Variants in METAP1D observed in about 807,000 individuals in gnomAD.
The protein encoded by METAP1D is methionyl aminopeptidase type 1D, mitochondrial.
A neutral mutation model predicts 40.5 loss-of-function variants in METAP1D; 31 were observed. That is an observed-to-expected ratio of 0.77 (90% CI 0.58 to 1.03). METAP1D has a LOEUF of 1.03. Ranked by LOEUF, METAP1D falls within the 50% of genes least tolerant of loss-of-function variation. The pLI, the probability that METAP1D is intolerant of heterozygous loss-of-function variation, is 0.00. For synonymous variants in METAP1D, 151 were observed against 146.4 expected, an observed-to-expected ratio of 1.03 and a Z score of -0.22; for missense variants, 411 against 420.7, an observed-to-expected ratio of 0.98 and a Z score of 0.20.
Position 172,070,972 on chromosome 2 carries a change from T to C in METAP1D, c.606T>C (p.Cys202=), listed in dbSNP as rs1325006377. Residue 202 remains cysteine, a synonymous_variant, in exon 6 of 10, where the codon TGT becomes TGC. Transcript: ENST00000315796. The part of the protein sequence containing the change: ...ETFLVGNVDE[C]GKKLVEVARR... ...TTTTGGTGGGCAATGTGGACGAATG[T>C]GGTAAAAAGTTAGTGGAGGTTGCCA... 3 of 1,613,268 alleles carry C rather than the reference T, an allele frequency of 1.9e-6. No homozygotes were observed. The highest frequency in any genetic ancestry group is 1.7e-6 in the Non-Finnish European group (2 of 1,179,418).
intron 1 of METAP1D, among the ~76,000 whole-genome samples, chr2:172,013,813 C>G (rs1688785467): frequency 9.3e-6 from 1 of 107,586 alleles, no homozygotes; most frequent in Non-Finnish European, 1.8e-5. Flanking sequence ...AAACATTATA[C>G]TTTTTTTTTC....
chr2:172,033,058 C>CTAAATAAA (rs571735409), intron 1 of METAP1D, among the ~76,000 whole-genome samples: 72 of 151,290 alleles, frequency 4.8e-4, no homozygotes, highest in African/African-American at 1.5e-3. Context: ...GACTCCATCT[C>CTAAATAAA]TAAATAAATA....
chr2:172,075,682 A>G (rs1690523475), intron 6 of METAP1D, among the ~76,000 whole-genome samples: 1 of 152,232 alleles, frequency 6.6e-6, no homozygotes, highest in African/African-American at 2.4e-5. Flanking sequence ...TTAAACAGTA[A>G]TTAGGAATAT....
intron 1 of METAP1D, among the ~76,000 whole-genome samples, chr2:172,017,901 G>A (rs1364488492): frequency 6.6e-6 from 1 of 152,032 alleles, no homozygotes; most frequent in African/African-American, 2.4e-5. Flanking sequence ...GGCTGAGGCG[G>A]GTGAATCACG....
chr2:172,070,683 G>C (rs950367109), intron 5 of METAP1D: 18 of 224,100 alleles, frequency 8.0e-5, no homozygotes, highest in African/African-American at 3.7e-4. Context: ...AACCATACTA[G>C]TTAACATAGT....
chr2:172,071,930 T>G (rs1690430535), intron 6 of METAP1D, among the ~76,000 whole-genome samples: 1 of 152,156 alleles, frequency 6.6e-6, no homozygotes, highest in African/African-American at 2.4e-5. Context: ...TCAAATACTT[T>G]AAGAAAAAAG....
chr2:172,062,073 G>A (rs898734804), intron 2 of METAP1D: 1 of 151,516 alleles, frequency 6.6e-6, no homozygotes, highest in African/African-American at 2.4e-5. Context: ...TGTTATTGAT[G>A]CTGGTGTCTT....
intron 1 of METAP1D, among the ~76,000 whole-genome samples, chr2:172,004,942 C>CT (rs1359984937): frequency 2.8e-5 from 4 of 140,656 alleles, no homozygotes; most frequent in Non-Finnish European, 4.7e-5. Context: ...TTTTTTTTTT[C>CT]TTTTTTCAGG....
Position 172,042,049 on chromosome 2 carries a change from C to A in METAP1D, c.41-19449C>A, listed in dbSNP as rs1366047299. On this transcript the variant is annotated intron_variant, in intron 1 of 9. Transcript: ENST00000315796. ...CTCCTGCCCACAAGTGATCTACCTGCCTCGGCCTTCCAAAGTGCTGGGATT... is the reference window on the plus strand; with the variant it reads ...CTCCTGCCCACAAGTGATCTACCTGACTCGGCCTTCCAAAGTGCTGGGATT... Among the ~76,000 whole-genome samples the A allele has an allele frequency of 4.0e-5, 5 of 124,542 alleles. 1 individual carries two copies. The highest frequency in any genetic ancestry group is 1.3e-4 in the African/African-American group (5 of 37,492). 81.7% of individuals were successfully genotyped at this position (124,542 alleles called of 152,430 possible). A position where few individuals can be genotyped will look rare whatever the true frequency, so the allele number is the denominator to read the frequency against.
At chr2:172,053,197 G>A (rs1689926690) in intron 1 of METAP1D, among the ~76,000 whole-genome samples, 1 of 152,226 alleles carries the variant, frequency 6.6e-6, no homozygotes, top group African/African-American at 2.4e-5. Flanking sequence ...CATTTGCAGT[G>A]TTCTCATGGA....
chr2:172,024,839 C>T (rs1357001395), intron 1 of METAP1D, among the ~76,000 whole-genome samples: 1 of 150,352 alleles, frequency 6.7e-6, no homozygotes, highest in Non-Finnish European at 1.5e-5. Context: ...AGAATTTGAG[C>T]CAAACTTTTA....
chr2:172,060,177 A>AG (rs1481049675), intron 1 of METAP1D, among the ~76,000 whole-genome samples: 1 of 152,182 alleles, frequency 6.6e-6, no homozygotes, highest in Non-Finnish European at 1.5e-5. Flanking sequence ...ACACTTTGGG[A>AG]GGCCGAGGTG....
Position 172,036,270 on chromosome 2 carries a change from T to TCG in METAP1D, c.41-25224_41-25223dup, listed in dbSNP as rs1285294848. On this transcript the variant is annotated intron_variant, in intron 1 of 9. Transcript: ENST00000315796. ...AGGCGGAGCTTGCAGAGAGCCGAGA[T>TCG]CGCGCCATTGCACTCCAGCCTGGGC... is the stretch of plus-strand genomic sequence containing the variant. Among the ~76,000 whole-genome samples, 134 of 146,504 alleles carry TCG rather than the reference T, an allele frequency of 9.1e-4. 2 individuals are homozygous for TCG. The highest frequency in any genetic ancestry group is 1.5e-3 in the Non-Finnish European group (103 of 66,936).
Position 172,061,593 on chromosome 2 carries a change from A to T in METAP1D, c.136A>T (p.Arg46Ter). ...AAGAAATTTCTTTTTTCGGAGACAA[A>T]GAGATATTTCACACAGTATAGTTTT... The part of the protein sequence containing the change: ...QRRNFFFRRQ[R>*]DISHSIVLPA... The change falls in exon 2 of 10, where the codon AGA becomes TGA. Residue 46 changes from arginine to a stop codon, truncating the protein, a stop_gained. Transcript: ENST00000315796. LOFTEE classifies it high-confidence loss of function. 1 of 1,614,028 alleles carries T rather than the reference A, an allele frequency of 6.2e-7. No homozygotes were observed. Among genetic ancestry groups the T allele is most frequent in the Non-Finnish European group, 8.5e-7 (1 of 1,179,954 alleles).
intron 1 of METAP1D, among the ~76,000 whole-genome samples, chr2:172,056,856 T>C (rs1690012700): frequency 6.6e-6 from 1 of 152,236 alleles, no homozygotes; most frequent in Admixed American, 6.5e-5. Flanking sequence ...TCCAAGCTCA[T>C]GCTGTTGTCA....
At chr2:172,007,305 G>A (rs147290520) in intron 1 of METAP1D, among the ~76,000 whole-genome samples, 2,861 of 151,738 alleles carry the variant, frequency 0.019, 59 homozygotes, top group Admixed American at 0.069. Context: ...AAGTAGCTGG[G>A]ACTATAGGCG....
At chr2:172,059,498 G>A (rs1291661124) in intron 1 of METAP1D, among the ~76,000 whole-genome samples, 3 of 152,148 alleles carry the variant, frequency 2.0e-5, no homozygotes, top group South Asian at 2.1e-4. Flanking sequence ...AGCTACCACT[G>A]TAGCTCAAAA....
intron 1 of METAP1D, among the ~76,000 whole-genome samples, chr2:172,019,993 A>G (rs1216427124): frequency 2.0e-4 from 31 of 151,992 alleles, no homozygotes; most frequent in Admixed American, 2.0e-3. Flanking sequence ...AATCTCAGGT[A>G]TGTTTGTTTC....
intron 1 of METAP1D, among the ~76,000 whole-genome samples, chr2:172,026,752 G>C (rs1689128273): frequency 6.6e-6 from 1 of 152,200 alleles, no homozygotes; most frequent in Non-Finnish European, 1.5e-5. Context: ...ATGGATGACA[G>C]AACAGAAAGT....
Sources: gnomAD v4.1 joint callset for allele counts (sites outside exome capture counted in the v4.1 genomes callset) on GRCh38, gnomAD v4.1.1 for gene constraint, MANE v1.5 for transcripts, NCBI Gene and HGNC (gene_info 2026-07-23, HGNC 2026-07-21) for gene names.